The following GLIS3 variants were observed in gnomAD, a reference collection of about 807,000 sequenced individuals.
GLIS3 encodes the protein zinc finger protein GLIS3.
Under a neutral mutation model 78.6 loss-of-function variants are expected in GLIS3, and 53 were observed. The observed-to-expected ratio is 0.67, with a 90% CI of 0.54 to 0.85. The LOEUF is 0.85. GLIS3 is among the 40% of genes least tolerant of loss of function. The pLI is 0.00. For synonymous variants in GLIS3, 684 were observed against 509.9 expected (o/e 1.34, Z -4.60); for missense variants, 1,703 against 1,231.1 (o/e 1.38, Z -5.74).
chr9:4,058,409 G>C (rs1166053662), intron 4 of GLIS3, among the ~76,000 whole-genome samples: 1 of 150,698 alleles, frequency 6.6e-6, no homozygotes, highest in Non-Finnish European at 1.5e-5. Flanking sequence ...TGATCTCTTT[G>C]ACTTTCCAGA....
At chr9:3,925,206 T>G (rs1825137928) in intron 6 of GLIS3, among the ~76,000 whole-genome samples, 1 of 152,206 alleles carries the variant, frequency 6.6e-6, no homozygotes, top group South Asian at 2.1e-4. Context: ...ACAATCTCTA[T>G]CATTTGCAAA....
chr9:4,386,582 T>A, the GLIS3 span: 1 of 152,212 alleles, frequency 6.6e-6, no homozygotes, highest in Non-Finnish European at 1.5e-5. Flanking sequence ...TTAATGAAAA[T>A]GAAAGTACTC....
intron 2 of GLIS3, among the ~76,000 whole-genome samples, chr9:4,250,701 G>A (rs1351080700): frequency 1.3e-5 from 2 of 152,186 alleles, no homozygotes; most frequent in African/African-American, 4.8e-5. Flanking sequence ...TAACTGTGAT[G>A]TTAGGGTGTC....
chr9:4,283,508 T>C (rs1827739103), intron 2 of GLIS3, among the ~76,000 whole-genome samples: 1 of 152,076 alleles, frequency 6.6e-6, no homozygotes, highest in South Asian at 2.1e-4. Flanking sequence ...TCAAATGATC[T>C]GCCTGCCTTG....
the GLIS3 span, among the ~76,000 whole-genome samples, chr9:4,417,016 T>G: frequency 1.6e-4 from 25 of 152,256 alleles, no homozygotes; most frequent in African/African-American, 6.0e-4. Flanking sequence ...CGTTCTTTGT[T>G]GGGCTTAATT....
chr9:4,385,745 G>GAA, the GLIS3 span, among the ~76,000 whole-genome samples: 191 of 31,300 alleles, frequency 6.1e-3, 1 homozygote, highest in African/African-American at 0.019. Context: ...GAAAAAGAAA[G>GAA]AAAGAAAGAA....
At chr9:4,352,354 G>C (rs139607473), upstream of GLIS3, among the ~76,000 whole-genome samples, 2 of 152,252 alleles carry the variant, frequency 1.3e-5, no homozygotes, top group East Asian at 1.9e-4. Context: ...CCTTTGTGTA[G>C]AGTCCCTTGG....
At chr9:4,402,714 G>T in the GLIS3 span, among the ~76,000 whole-genome samples, 1 of 152,088 alleles carries the variant, frequency 6.6e-6, no homozygotes, top group Non-Finnish European at 1.5e-5. Context: ...CTTAATAGTA[G>T]AATTGATTAA....
At chr9:4,315,878 C>A (rs562469170) in intron 2 of GLIS3, among the ~76,000 whole-genome samples, 1 of 152,240 alleles carries the variant, frequency 6.6e-6, no homozygotes, top group South Asian at 2.1e-4. Context: ...TTCTAGAATG[C>A]AGGCCTCTTA....
At chr9:4,129,959 T>C (rs1832852761) in intron 2 of GLIS3, among the ~76,000 whole-genome samples, 1 of 152,116 alleles carries the variant, frequency 6.6e-6, no homozygotes, top group Non-Finnish European at 1.5e-5. Flanking sequence ...AGGTCTCAGA[T>C]GGAGATGAGG....
At chr9:4,460,370 G>C in the GLIS3 span, among the ~76,000 whole-genome samples, 1 of 152,208 alleles carries the variant, frequency 6.6e-6, no homozygotes, top group African/African-American at 2.4e-5. Flanking sequence ...AGAAAATGTA[G>C]TGAATGAACT....
intron 2 of GLIS3, among the ~76,000 whole-genome samples, chr9:4,247,622 A>G (rs980769639): frequency 2.0e-5 from 3 of 152,160 alleles, no homozygotes; most frequent in Non-Finnish European, 2.9e-5. Context: ...ATTACAATTT[A>G]CCATTTGGGG....
rs571807066 is a variant in GLIS3, at chr9:3,965,493, G to A, written c.1711-28304C>T. Among the ~76,000 whole-genome samples, 53 of 152,080 alleles carry A rather than the reference G, an allele frequency of 3.5e-4. 1 individual carries two copies. In the South Asian group the frequency reaches 9.1e-3, roughly 26 times the overall value. ...ACAGGCGTGAGCCACCACGCCCAACGCCTCTTTCCTAATTCTATCACTCTA... is the reference window on the plus strand; with the variant it reads ...ACAGGCGTGAGCCACCACGCCCAACACCTCTTTCCTAATTCTATCACTCTA... On this transcript the variant is annotated intron_variant, in intron 4 of 10. Coordinates refer to ENST00000381971, the MANE Select transcript of GLIS3 (RefSeq NM_001042413.2).
chr9:4,438,544 T>A, the GLIS3 span, among the ~76,000 whole-genome samples: 1 of 152,178 alleles, frequency 6.6e-6, no homozygotes, highest in Middle Eastern at 3.2e-3. Flanking sequence ...AAATAGCTTA[T>A]CCTGAATCTG....
intron 4 of GLIS3, among the ~76,000 whole-genome samples, chr9:4,022,902 G>A (rs1351262940): frequency 1.3e-5 from 2 of 152,144 alleles, no homozygotes; most frequent in Non-Finnish European, 2.9e-5. Context: ...GCGGCTGTCT[G>A]GGGCCAGGGG....
chr9:4,032,577 A>G (rs1009093861), intron 4 of GLIS3, among the ~76,000 whole-genome samples: 2 of 152,262 alleles, frequency 1.3e-5, no homozygotes, highest in Non-Finnish European at 2.9e-5. Flanking sequence ...ATCATGTAGC[A>G]GCCTAACAAA....
intron 2 of GLIS3, among the ~76,000 whole-genome samples, chr9:4,269,750 G>C (rs1176064305): frequency 6.6e-6 from 1 of 152,070 alleles, no homozygotes; most frequent in African/African-American, 2.4e-5. Context: ...AAATAATGCT[G>C]TCTATTAATT....
rs1265317427 is a variant in GLIS3 at position 3,991,683 on chromosome 9, A to AATTTTTTTTTTTTTTTTTTTTTTTTC, written c.1711-54495_1711-54494insGAAAAAAAAAAAAAAAAAAAAAAAAT. 2.3e-5 allele frequency among the ~76,000 whole-genome samples: 2 copies of AATTTTTTTTTTTTTTTTTTTTTTTTC among 87,912 alleles called. 1 individual carries two copies. Among genetic ancestry groups the AATTTTTTTTTTTTTTTTTTTTTTTTC allele is most frequent in the Non-Finnish European group, 4.0e-5 (2 of 49,508 alleles). 57.7% of individuals were successfully genotyped at this position (87,912 alleles called of 152,430 possible). Reference sequence around the variant, plus strand: ...GTTCAGAATTTCATTAAGTAGGCTGATTTTTTTTTTTTTTTTTTTTTTTTT... The same window carrying AATTTTTTTTTTTTTTTTTTTTTTTTC: ...GTTCAGAATTTCATTAAGTAGGCTGAATTTTTTTTTTTTTTTTTTTTTTTTCTTTTTTTTTTTTTTTTTTTTTTTTT... On this transcript the variant is annotated intron_variant, in intron 4 of 10. Transcript: ENST00000381971.
intron 4 of GLIS3, among the ~76,000 whole-genome samples, chr9:4,033,634 C>T (rs2130291454): frequency 6.6e-6 from 1 of 152,228 alleles, no homozygotes; most frequent in Middle Eastern, 3.4e-3. Context: ...TCCTAGGCTC[C>T]ACCCTGGACC....
Sources: allele counts gnomAD v4.1 joint callset (sites outside exome capture counted in the v4.1 genomes callset), GRCh38; gene constraint gnomAD v4.1.1; transcripts MANE v1.5; gene names NCBI Gene and HGNC (gene_info 2026-07-23, HGNC 2026-07-21).